TMPRSS6: variants seen among roughly 807,000 people sequenced by gnomAD.
TMPRSS6 encodes the protein transmembrane protease serine 6.
TMPRSS6 carries 67 observed loss-of-function variants against 101.5 expected under a neutral mutation model. The ratio of observed to expected loss-of-function variants is 0.66; its 90% CI spans 0.54 to 0.81. The LOEUF (loss-of-function observed/expected upper bound fraction) is 0.81, where lower values mean the gene tolerates loss of function less well. Among genes scored for constraint, TMPRSS6 ranks in the 30% least tolerant of loss-of-function variants. TMPRSS6 has a pLI of 0.00. For missense variants in TMPRSS6, 1,034 were observed against 1,088.7 expected, an observed-to-expected ratio of 0.95 and a Z score of 0.71; for synonymous variants, 453 against 464.9, an observed-to-expected ratio of 0.97 and a Z score of 0.33.
rs1927322195 is a variant in TMPRSS6, at chr22:37,073,387, G to A, written c.1555+145C>T. On this transcript the variant is annotated intron_variant, in intron 13 of 17. Transcript: ENST00000676104. ...GGATGGATGGATGGATGGATGGATG[G>A]ATGGATGAATGGACAGACATACAGA... 3 of 616,888 alleles carry A rather than the reference G, an allele frequency of 4.9e-6. No individual in the cohort carries two copies. In the South Asian group the frequency reaches 5.5e-5, roughly 11 times the overall value. 38.2% of individuals were successfully genotyped at this position (616,888 alleles called of 1,614,324 possible).
At chr22:37,083,973 T>TGAGGGTGCCA (rs1928463029) in intron 10 of TMPRSS6, 3 of 543,322 alleles carry the variant, frequency 5.5e-6, no homozygotes, top group Non-Finnish European at 9.8e-6. Flanking sequence ...ATTGAAGGAT[T>TGAGGGTGCCA]GAGGGTGCCA....
At position 37,073,558 on chromosome 22, in the gene TMPRSS6, C is replaced by T; in HGVS notation, c.1529G>A (p.Gly510Asp). The T allele has an allele frequency of 6.2e-7, 1 of 1,613,822 alleles. No homozygotes were observed. Among genetic ancestry groups the T allele is most frequent in the Non-Finnish European group, 8.5e-7 (1 of 1,179,744 alleles). Reference protein sequence around the residue: ...VCDGQPDCLNGSDEEQCQEGV... With the variant: ...VCDGQPDCLNDSDEEQCQEGV... ...TTCCTGGCACTGCTCTTCGTCGCTGCCGTTGAGACAATCAGGCTGCCCATC... is the reference window on the plus strand; with the variant it reads ...TTCCTGGCACTGCTCTTCGTCGCTGTCGTTGAGACAATCAGGCTGCCCATC... Residue 510 changes from glycine to aspartate, a missense_variant, in exon 13 of 18, where the codon GGC becomes GAC. Physicochemically the swap from Gly to Asp is moderately conservative, Grantham distance 94. Transcript: ENST00000676104.
chr22:37,098,680 ATGT>A, intron 2 of TMPRSS6, 131 bp from the exon 3 acceptor site: 16 of 1,189,104 alleles, frequency 1.3e-5, no homozygotes, highest in Admixed American at 1.7e-5. Flanking sequence ...GGCACCATCA[ATGT>A]CATCATCATC....
At chr22:37,098,394 C>T (rs1325558773) in intron 3 of TMPRSS6, 22 bp downstream of exon 3, 4 of 1,613,958 alleles carry the variant, frequency 2.5e-6, no homozygotes, top group Non-Finnish European at 3.4e-6. Context: ...CCCTCCCTCT[C>T]ATCCCCCAGA....
chr22:37,084,625 C>T (rs1928546774), intron 9 of TMPRSS6, 102 bp downstream of exon 9: 1 of 1,092,874 alleles, frequency 9.2e-7, no homozygotes, highest in Admixed American at 2.0e-5. Flanking sequence ...CCTGTGGGCG[C>T]TTCAGCAGAG....
rs552252696 is a variant in TMPRSS6, at chr22:37,103,411, C to T, written c.7G>A (p.Val3Met). The T allele has an allele frequency of 3.7e-5, 59 of 1,614,220 alleles. No individual in the cohort carries two copies. Among genetic ancestry groups the T allele is most frequent in the Middle Eastern group, 1.6e-4 (1 of 6,062 alleles). The change falls in exon 2 of 18, where the codon GTG becomes ATG. Residue 3 changes from valine to methionine, a missense_variant. Val to Met is a conservative substitution (Grantham distance 21). Transcript: ENST00000676104. The surrounding 1 kb of genome is among the most constrained non-coding windows in gnomAD (Gnocchi z 4.4). MP[V>M]AEAPQVAGGQ... Reference sequence around the variant, plus strand: ...CCAGCCACCTGGGGGGCCTCGGCCACGGGCATCCTGCCAGGGAAACAGACC... The same window carrying T: ...CCAGCCACCTGGGGGGCCTCGGCCATGGGCATCCTGCCAGGGAAACAGACC...
intron 16 of TMPRSS6, chr22:37,068,798 A>G (rs564708747): frequency 2.8e-6 from 2 of 712,892 alleles, no homozygotes; most frequent in East Asian, 5.2e-5. Context: ...TGGAGCTTGC[A>G]CGTGGGCAGT....
chr22:37,107,201 G>A (rs1433197281), intron 1 of TMPRSS6, among the ~76,000 whole-genome samples: 1 of 152,160 alleles, frequency 6.6e-6, no homozygotes, highest in East Asian at 1.9e-4. Flanking sequence ...GGGCCTGTGG[G>A]GTCCCAGGTT....
intron 13 of TMPRSS6, among the ~76,000 whole-genome samples, chr22:37,072,857 TGATG>T (rs200646753): frequency 1.6e-5 from 2 of 125,956 alleles, no homozygotes; most frequent in East Asian, 2.5e-4. Flanking sequence ...GATGGATGGA[TGATG>T]GATGGATGAT....
Position 37,073,646 on chromosome 22 carries a change from CTGTG to C in TMPRSS6, c.1442-5_1442-2del. ...TTGCACTGGAATGTGGCTCTGCAAACTGTGTGGGGACACAGAGAGGGGACAGGTG... is the reference window on the plus strand; with the variant it reads ...TTGCACTGGAATGTGGCTCTGCAAACTGGGGACACAGAGAGGGGACAGGTG... On this transcript the variant is annotated splice_acceptor_variant and splice_polypyrimidine_tract_variant and intron_variant, in intron 12 of 17. Coordinates refer to ENST00000676104, the MANE Select transcript of TMPRSS6 (RefSeq NM_001374504.1). LOFTEE classifies it high-confidence loss of function. 6.2e-7 allele frequency: 1 copy of C among 1,609,424 alleles called. No homozygotes were observed. The highest frequency in any genetic ancestry group is 1.3e-5 in the African/African-American group (1 of 74,948).
intron 13 of TMPRSS6, 23 bp downstream of exon 13, chr22:37,073,509 A>T (rs1448964028): frequency 6.4e-7 from 1 of 1,555,048 alleles, no homozygotes; most frequent in Non-Finnish European, 8.9e-7. Flanking sequence ...GTCCCTCCAG[A>T]CACTCGGCTA....
In TMPRSS6 at chr22:37,096,702, A is replaced by T. The variant is rs1601565932; in HGVS notation, c.350T>A (p.Ile117Asn). Residue 117 changes from isoleucine to asparagine, a missense_variant, in exon 4 of 18, where the codon ATC becomes AAC. By Grantham distance (149) the Ile-to-Asn change is moderately radical (BLOSUM62 -3). Transcript: ENST00000676104. ...AKAQKMLKEL[I>N]TSTRLGTYYN... ...GTAAGTTCCCAGGCGGGTGCTGGTG[A>T]TGAGCTCCTTGAGCTGTGAGAAGGG... 7.0e-6 allele frequency: 11 copies of T among 1,564,734 alleles called. No individual in the cohort carries two copies. Among genetic ancestry groups the T allele is most frequent in the Non-Finnish European group, 8.7e-6 (10 of 1,153,542 alleles).
chr22:37,108,234 C>T (rs1377613541), intron 1 of TMPRSS6, among the ~76,000 whole-genome samples: 1 of 152,174 alleles, frequency 6.6e-6, no homozygotes, highest in Non-Finnish European at 1.5e-5. Context: ...CACGGCCAGG[C>T]GTCCCCACAC....
intron 13 of TMPRSS6, 53 bp from the exon 14 acceptor site, chr22:37,071,085 A>T: frequency 6.5e-7 from 1 of 1,546,094 alleles, no homozygotes; most frequent in Non-Finnish European, 8.9e-7. Context: ...CTGAGCCCCA[A>T]GGAAACCTTC....
chr22:37,070,713 G>C, intron 14 of TMPRSS6, 61 bp from the exon 15 acceptor site: 1 of 1,549,384 alleles, frequency 6.5e-7, no homozygotes, highest in Admixed American at 1.7e-5. Flanking sequence ...GAAGCAGACA[G>C]AGAGGAAGGG....
At chr22:37,090,387 G>A (rs972317705) in intron 6 of TMPRSS6, among the ~76,000 whole-genome samples, 6 of 152,198 alleles carry the variant, frequency 3.9e-5, no homozygotes, top group South Asian at 4.1e-4. Context: ...GGAGACCAGC[G>A]AGGCCACAGG....
chr22:37,073,099 TGGATGGATGATGGAC>T (rs916486216), intron 13 of TMPRSS6, among the ~76,000 whole-genome samples: 2 of 107,748 alleles, frequency 1.9e-5, no homozygotes, highest in African/African-American at 7.7e-5. Context: ...GGATGATGGA[TGGATGGATGATGGAC>T]GGATGGATGA....
intron 1 of TMPRSS6, among the ~76,000 whole-genome samples, chr22:37,106,396 C>T (rs1930717649): frequency 6.6e-6 from 1 of 152,038 alleles, no homozygotes; most frequent in African/African-American, 2.4e-5. Flanking sequence ...CCTCCCCTCT[C>T]ATCCTCCAAG....
chr22:37,067,606 A>G (rs1406006548), intron 16 of TMPRSS6, among the ~76,000 whole-genome samples: 7 of 152,004 alleles, frequency 4.6e-5, no homozygotes, highest in Non-Finnish European at 8.8e-5. Flanking sequence ...GCACCTGCAG[A>G]TGTCTCCGAA....
Sources: allele counts gnomAD v4.1 joint callset (sites outside exome capture counted in the v4.1 genomes callset), GRCh38; gene constraint gnomAD v4.1.1; non-coding constraint Gnocchi (gnomAD v3.1); transcripts MANE v1.5; gene names NCBI Gene and HGNC (gene_info 2026-07-23, HGNC 2026-07-21).